Variants in TMEM14B observed in about 807,000 individuals in gnomAD.
The protein encoded by TMEM14B is transmembrane protein 14B.
In TMEM14B, 9 loss-of-function variants were observed where a neutral mutation model predicts 14.8. The ratio of observed to expected loss-of-function variants is 0.61; its 90% confidence interval spans 0.37 to 1.06. The LOEUF is 1.06. Ranked by LOEUF, TMEM14B falls within the 50% of genes least tolerant of loss-of-function variation. The probability of loss-of-function intolerance (pLI) is 0.01; values close to 1 mark genes in which losing one functional copy is unlikely to be tolerated. For synonymous variants in TMEM14B, 40 were observed against 51.3 expected (o/e 0.78, Z 0.94); for missense variants, 128 against 143.6 (o/e 0.89, Z 0.56).
At chr6:10,755,387 A>G in intron 5 of TMEM14B, 155 bp downstream of exon 5, 3 of 1,520,298 alleles carry the variant, frequency 2.0e-6, no homozygotes, top group South Asian at 1.2e-5. Flanking sequence ...TTCAAAAACA[A>G]TAGTTGATTT....
intron 4 of TMEM14B, among the ~76,000 whole-genome samples, chr6:10,751,592 A>G (rs1771571639): frequency 6.6e-6 from 1 of 152,000 alleles, no homozygotes; most frequent in South Asian, 2.1e-4. Context: ...AAACTTGTAT[A>G]AGACAAATAT....
chr6:10,752,083 G>T (rs1034092843), intron 4 of TMEM14B, among the ~76,000 whole-genome samples: 1 of 152,004 alleles, frequency 6.6e-6, no homozygotes, highest in Non-Finnish European at 1.5e-5. Flanking sequence ...GTGTGCTGGG[G>T]AAGGAGGTGT....
chr6:10,758,509 A>G (rs2127497546), downstream of TMEM14B, among the ~76,000 whole-genome samples: 1 of 152,316 alleles, frequency 6.6e-6, no homozygotes, highest in Middle Eastern at 3.4e-3. Context: ...ATCCCTGAGT[A>G]TTTACTGCCT....
At chr6:10,757,789 G>C (rs1771857659), downstream of TMEM14B, among the ~76,000 whole-genome samples, 1 of 152,068 alleles carries the variant, frequency 6.6e-6, no homozygotes, top group Admixed American at 6.6e-5. Flanking sequence ...TCAGGAGTTT[G>C]AGACCAGCCT....
In TMEM14B at chr6:10,749,217, A is replaced by G; in HGVS notation, c.-29A>G. The G allele has an allele frequency of 6.2e-7, 1 of 1,613,808 alleles. No individual in the cohort carries two copies. Among genetic ancestry groups the G allele is most frequent in the South Asian group, 1.1e-5 (1 of 91,074 alleles). Reference sequence around the variant, plus strand: ...TTTTCCCCAGATGCAGGCCTGGGGTAGTCTCCTTTCTGGACTGAGAAGAGA... The same window carrying G: ...TTTTCCCCAGATGCAGGCCTGGGGTGGTCTCCTTTCTGGACTGAGAAGAGA... On this transcript the variant is annotated 5_prime_UTR_variant, in exon 2 of 6. Transcript: ENST00000379542.
At chr6:10,754,181 C>T (rs1771708479) in intron 4 of TMEM14B, among the ~76,000 whole-genome samples, 1 of 152,204 alleles carries the variant, frequency 6.6e-6, no homozygotes, top group South Asian at 2.1e-4. Context: ...GATCATGCCA[C>T]TGCACTCCAG....
At chr6:10,749,101 A>G (rs1279032902) in intron 1 of TMEM14B, 101 bp from the exon 2 acceptor site, 8 of 729,512 alleles carry the variant, frequency 1.1e-5, no homozygotes, top group Non-Finnish European at 9.6e-6. Flanking sequence ...AGTGAAGGAT[A>G]CTGAGACTTA....
intron 3 of TMEM14B, among the ~76,000 whole-genome samples, 193 bp from the exon 4 acceptor site, chr6:10,750,940 G>A (rs1160797406): frequency 6.6e-6 from 1 of 151,954 alleles, no homozygotes; most frequent in Non-Finnish European, 1.5e-5. Context: ...AGAGAAAAAT[G>A]GGGTGGGAAG....
Position 10,752,212 on chromosome 6 carries a change from A to G in TMEM14B, c.202+978A>G, listed in dbSNP as rs959542644. Among the ~76,000 whole-genome samples, 18 of 152,120 alleles carry G rather than the reference A, an allele frequency of 1.2e-4. 1 individual carries two copies. The highest frequency in any genetic ancestry group is 7.2e-4 in the Admixed American group (11 of 15,282). On this transcript the variant is annotated intron_variant, in intron 4 of 5. Coordinates refer to ENST00000379542, the MANE Select transcript of TMEM14B (RefSeq NM_030969.5). ...GCAAATGACCTCACACCTATTGTAG[A>G]GAAAAAACAGCAGCCATCAGGTGGG... is the stretch of plus-strand genomic sequence containing the variant.
rs773105808 is a variant in TMEM14B at position 10,755,153 on chromosome 6, G to A, written c.214G>A (p.Val72Ile). The stretch of plus-strand genomic sequence containing the variant: ...TGTATCTTTTTCAGCCGCTACATCT[G>A]TTACTTTTGTTGGTGTTATGGGAAT... ...NVWGFLAATS[V>I]TFVGVMGMRS... Residue 72 changes from valine (V) to isoleucine (I), a missense_variant, in exon 5 of 6, where the codon GTT becomes ATT. Physicochemically the swap from Val to Ile is conservative, Grantham distance 29 (BLOSUM62 3). Transcript: ENST00000379542. The A allele has an allele frequency of 3.1e-6, 5 of 1,613,776 alleles. No individual in the cohort carries two copies. Among genetic ancestry groups the A allele is most frequent in the East Asian group, 4.5e-5 (2 of 44,898 alleles).
chr6:10,749,796 C>A, intron 3 of TMEM14B, 98 bp downstream of exon 3: 2 of 1,459,724 alleles, frequency 1.4e-6, no homozygotes, highest in Non-Finnish European at 1.9e-6. Flanking sequence ...TTTGACTCAG[C>A]TTTGCTGTAG....
chr6:10,751,038 T>C (rs575575932), intron 3 of TMEM14B, 95 bp from the exon 4 acceptor site: 20 of 1,466,710 alleles, frequency 1.4e-5, no homozygotes, highest in Admixed American at 1.1e-4. Context: ...TGAGAGTTCT[T>C]TGTGCTGTCC....
In TMEM14B at chr6:10,749,133, G is replaced by C. The variant is rs1238722478; in HGVS notation, c.-44-69G>C. 2.9e-5 allele frequency: 30 copies of C among 1,043,850 alleles called. No individual in the cohort carries two copies. In the East Asian group the frequency reaches 6.9e-4, roughly 24 times the overall value. 64.7% of individuals were successfully genotyped at this position (1,043,850 alleles called of 1,614,324 possible). A position where few individuals can be genotyped will look rare whatever the true frequency, so the allele number is the denominator to read the frequency against. ...CTTAGGTTGCATAGCCTGCAGGTTG[G>C]ACACACTTCTTTCTGACTGCTGGGG... On this transcript the variant is annotated intron_variant, in intron 1 of 5. Transcript: ENST00000379542.
intron 2 of TMEM14B, 115 bp from the exon 3 acceptor site, chr6:10,749,507 G>A: frequency 7.9e-7 from 1 of 1,259,672 alleles, no homozygotes; most frequent in Non-Finnish European, 1.2e-6. Flanking sequence ...TAGTACCTGT[G>A]GGCACATAGG....
intron 5 of TMEM14B, chr6:10,755,645 A>G (rs1238990066): frequency 8.8e-7 from 1 of 1,139,408 alleles, no homozygotes; most frequent in African/African-American, 1.6e-5. Flanking sequence ...CCTAAACCAA[A>G]TTGTGGTTTT....
intron 4 of TMEM14B, among the ~76,000 whole-genome samples, chr6:10,754,191 G>A (rs746529171): frequency 2.0e-5 from 3 of 152,212 alleles, no homozygotes; most frequent in Non-Finnish European, 4.4e-5. Flanking sequence ...CTGCACTCCA[G>A]CGTGTGTTGC....
downstream of TMEM14B, among the ~76,000 whole-genome samples, chr6:10,757,538 A>G (rs561047641): frequency 3.6e-4 from 55 of 152,290 alleles, no homozygotes; most frequent in African/African-American, 1.2e-3. Context: ...TATAATTGTG[A>G]AACTAGAAGA....
rs144068139 is a variant in TMEM14B, at chr6:10,755,144, G to A, written c.205G>A (p.Ala69Thr). 92 of 1,613,512 alleles carry A rather than the reference G, an allele frequency of 5.7e-5. No homozygotes were observed. Among genetic ancestry groups the A allele is most frequent in the Admixed American group, 6.7e-5 (4 of 60,004 alleles). ...ACCCTTCTTTGTATCTTTTTCAGCC[G>A]CTACATCTGTTACTTTTGTTGGTGT... is the stretch of plus-strand genomic sequence containing the variant. ...DPRNVWGFLA[A>T]TSVTFVGVMG... Residue 69 changes from alanine to threonine, a missense_variant and splice_region_variant, in exon 5 of 6, where the codon GCT (alanine) becomes ACT (threonine). Transcript: ENST00000379542.
intron 2 of TMEM14B, 53 bp downstream of exon 2, chr6:10,749,321 G>A: frequency 1.2e-6 from 2 of 1,607,330 alleles, no homozygotes; most frequent in South Asian, 1.1e-5. Context: ...GGAAACCAGA[G>A]TTCCTTTCCT....
Sources: gnomAD v4.1 joint callset for allele counts (sites outside exome capture counted in the v4.1 genomes callset) on GRCh38, gnomAD v4.1.1 for gene constraint, MANE v1.5 for transcripts, NCBI Gene and HGNC (gene_info 2026-07-23, HGNC 2026-07-21) for gene names.